Variants in SLF1 observed in about 807,000 individuals in gnomAD.
SLF1 encodes SMC5/6 complex localization factor 1.
In SLF1, 105 loss-of-function variants were observed where a neutral mutation model predicts 123.0. That is an observed-to-expected ratio of 0.85 (90% confidence interval 0.73 to 1.00). The LOEUF is 1.00. Ranked by LOEUF, SLF1 falls within the 50% of genes least tolerant of loss-of-function variation. The probability of loss-of-function intolerance (pLI) is 0.00; values close to 1 mark genes in which losing one functional copy is unlikely to be tolerated. For missense variants in SLF1, 1,239 were observed against 1,223.0 expected, an observed-to-expected ratio of 1.01 and a Z score of -0.20; for synonymous variants, 434 against 406.6, an observed-to-expected ratio of 1.07 and a Z score of -0.81.
In SLF1 at chr5:94,681,861, C is replaced by A. The variant is rs368783203; in HGVS notation, c.1975+2906C>A. Among the ~76,000 whole-genome samples, 30 of 152,126 alleles carry A rather than the reference C, an allele frequency of 2.0e-4. 1 individual carries two copies. The highest frequency in any genetic ancestry group is 1.5e-3 in the Admixed American group (23 of 15,276). On this transcript the variant is annotated intron_variant, in intron 15 of 20. Coordinates refer to ENST00000265140, the MANE Select transcript of SLF1 (RefSeq NM_032290.4). ...TTGATGTTTAACCTTTGTCAAGAGA[C>A]AGAAATCCAGTGAACATTTTATCAT...
rs904335020 is a variant in SLF1 at position 94,670,719 on chromosome 5, T to C, written c.1662-124T>C. 5.7e-5 allele frequency: 40 copies of C among 698,612 alleles called. No homozygotes were observed. In the African/African-American group the frequency reaches 6.5e-4, roughly 11 times the overall value. The allele number at this position is 698,612 out of a possible 1,614,324, so 43.3% of individuals were successfully genotyped here. ...ATTTTGTCCTTTATTATAATTGTTA[T>C]AATCTTTATATTTTATGATCTATGT... is the stretch of plus-strand genomic sequence containing the variant. On this transcript the variant is annotated intron_variant, in intron 13 of 20. Coordinates refer to ENST00000265140, the MANE Select transcript of SLF1 (RefSeq NM_032290.4).
At chr5:94,670,316 T>C (rs1750293831) in intron 13 of SLF1, 37 bp downstream of exon 13, 1 of 1,410,352 alleles carries the variant, frequency 7.1e-7, no homozygotes, top group East Asian at 2.9e-5. Flanking sequence ...TTTTCTAAAT[T>C]TTGGTTGTTT....
At position 94,671,051 on chromosome 5, in the gene SLF1, C is replaced by A. The variant is rs1424525004; in HGVS notation, c.1827+43C>A. 7 of 1,316,714 alleles carry A rather than the reference C, an allele frequency of 5.3e-6. No individual in the cohort carries two copies. The Admixed American group carries it at 7.3e-5, about 14-fold the overall frequency. 81.6% of individuals were successfully genotyped at this position (1,316,714 alleles called of 1,614,324 possible). On this transcript the variant is annotated intron_variant, in intron 14 of 20. Coordinates refer to ENST00000265140, the MANE Select transcript of SLF1 (RefSeq NM_032290.4). ...ATAGATGAATAGTCTATGGAAACAG[C>A]ACTTTGAATTATTTACCTTTTCCTC... is the stretch of plus-strand genomic sequence containing the variant.
chr5:94,620,881 C>T (rs903419174), intron 1 of SLF1, among the ~76,000 whole-genome samples: 1 of 152,098 alleles, frequency 6.6e-6, no homozygotes, highest in Admixed American at 6.6e-5. Context: ...TTAAAATACA[C>T]TGTCTGGTTA....
At chr5:94,672,498 C>T (rs562445155) in intron 14 of SLF1, among the ~76,000 whole-genome samples, 1 of 151,560 alleles carries the variant, frequency 6.6e-6, no homozygotes, top group Non-Finnish European at 1.5e-5. Flanking sequence ...CCTCTTTCTC[C>T]CTCTTCCCCC....
chr5:94,651,711 C>A lies in SLF1; in HGVS notation c.748C>A (p.Gln250Lys). Residue 250 changes from glutamine (Q) to lysine (K), a missense_variant, in exon 7 of 21, where the codon CAA (glutamine) becomes AAA (lysine). Gln to Lys is a moderately conservative substitution (Grantham distance 53). Transcript: ENST00000265140. ...ETMYRTQKEM[Q>K]NHEDVNVGSI... ...GTTTACAAACACGCAGAAAGAAATG[C>A]AAAATCATGAAGATGTTAATGTTGG... The A allele has an allele frequency of 1.3e-6, 2 of 1,518,236 alleles. No individual in the cohort carries two copies. Among genetic ancestry groups the A allele is most frequent in the Non-Finnish European group, 1.8e-6 (2 of 1,134,382 alleles). The allele number at this position is 1,518,236 out of a possible 1,614,324, so 94.0% of individuals were successfully genotyped here.
intron 14 of SLF1, among the ~76,000 whole-genome samples, chr5:94,674,619 G>T (rs1561464365): frequency 6.6e-6 from 1 of 152,110 alleles, no homozygotes; most frequent in Non-Finnish European, 1.5e-5. Flanking sequence ...TTCTTGATTT[G>T]CTGAGTTGAA....
intron 1 of SLF1, among the ~76,000 whole-genome samples, chr5:94,628,575 TTCAAA>T (rs1310254622): frequency 6.6e-6 from 1 of 152,222 alleles, no homozygotes; most frequent in Non-Finnish European, 1.5e-5. Flanking sequence ...ACTTTCAATG[TTCAAA>T]TCAGAAAGAA....
intron 15 of SLF1, among the ~76,000 whole-genome samples, chr5:94,683,136 T>C (rs550010305): frequency 5.6e-4 from 85 of 152,332 alleles, no homozygotes; most frequent in South Asian, 3.9e-3. Context: ...TTAATAAATT[T>C]CCTTTGCCTT....
intron 1 of SLF1, among the ~76,000 whole-genome samples, chr5:94,619,890 T>G (rs1463790832): frequency 4.0e-5 from 6 of 148,398 alleles, no homozygotes; most frequent in East Asian, 1.9e-4. Flanking sequence ...TCCTTTGCTT[T>G]CTTTCTTTCT....
At chr5:94,665,270 T>C (rs1453258744) in intron 11 of SLF1, among the ~76,000 whole-genome samples, 2 of 151,718 alleles carry the variant, frequency 1.3e-5, no homozygotes, top group African/African-American at 4.9e-5. Context: ...CCTATGGACG[T>C]GAAGGGTAGG....
At chr5:94,658,914 T>A (rs960646056) in intron 9 of SLF1, among the ~76,000 whole-genome samples, 23 of 132,478 alleles carry the variant, frequency 1.7e-4, no homozygotes, top group South Asian at 7.7e-4. Flanking sequence ...TGTTATATAT[T>A]TTTTTTCATT....
chr5:94,640,022 ATTTACT>A (rs1027487930), intron 4 of SLF1, among the ~76,000 whole-genome samples: 4 of 152,190 alleles, frequency 2.6e-5, no homozygotes, highest in African/African-American at 9.7e-5. Flanking sequence ...TTTGCTAGTC[ATTTACT>A]TTTAAGATGA....
chr5:94,665,804 G>C, intron 11 of SLF1, 57 bp from the exon 12 acceptor site: 1 of 1,425,664 alleles, frequency 7.0e-7, no homozygotes, highest in Non-Finnish European at 9.5e-7. Flanking sequence ...CTGAATTAGA[G>C]AGTCAAACTA....
chr5:94,652,439 T>C (rs1421892232), intron 7 of SLF1, among the ~76,000 whole-genome samples: 1 of 152,342 alleles, frequency 6.6e-6, no homozygotes, highest in East Asian at 1.9e-4. Flanking sequence ...CTCTAACTGA[T>C]ATGGTTTAGC....
chr5:94,696,461 TACTC>T lies in SLF1; in HGVS notation c.*1151_*1154del, dbSNP rs1435616328. 6.6e-6 allele frequency: 1 copy of T among 151,816 alleles called. No homozygotes were observed. Among genetic ancestry groups the T allele is most frequent in the Non-Finnish European group, 1.5e-5 (1 of 67,818 alleles). 9.4% of individuals were successfully genotyped at this position (151,816 alleles called of 1,614,324 possible). A position where few individuals can be genotyped will look rare whatever the true frequency, so the allele number is the denominator to read the frequency against. On this transcript the variant is annotated 3_prime_UTR_variant, in exon 21 of 21. Coordinates refer to ENST00000265140, the MANE Select transcript of SLF1 (RefSeq NM_032290.4). ...TTTAAATAAGTACTTTTTCCACACA[TACTC>T]AGGAAATACTAGTTTCTATTTAGCC...
chr5:94,661,256 G>A (rs1240513308), intron 9 of SLF1, among the ~76,000 whole-genome samples: 5 of 152,200 alleles, frequency 3.3e-5, no homozygotes, highest in African/African-American at 2.4e-5. Context: ...AATTCATGGT[G>A]GGAATGTGGA....
chr5:94,631,971 T>C (rs1745247555), intron 4 of SLF1, among the ~76,000 whole-genome samples: 1 of 112,494 alleles, frequency 8.9e-6, no homozygotes, highest in East Asian at 4.9e-4. Context: ...TTTTTCTTTC[T>C]TTTTTTTTTT....
intron 9 of SLF1, among the ~76,000 whole-genome samples, chr5:94,655,775 A>G (rs1161584650): frequency 1.3e-5 from 2 of 152,010 alleles, no homozygotes; most frequent in Non-Finnish European, 2.9e-5. Context: ...TAGAAATGCT[A>G]CTGATTTTTG....
Sources: gnomAD v4.1 joint callset for allele counts (sites outside exome capture counted in the v4.1 genomes callset) on GRCh38, gnomAD v4.1.1 for gene constraint, MANE v1.5 for transcripts, NCBI Gene and HGNC (gene_info 2026-07-23, HGNC 2026-07-21) for gene names.